Variants in VPS51 observed in about 807,000 individuals in gnomAD.
The protein encoded by VPS51 is vacuolar protein sorting-associated protein 51 homolog.
Under a neutral mutation model 65.1 loss-of-function variants are expected in VPS51, and 55 were observed. That is an observed-to-expected ratio of 0.84 (90% CI 0.68 to 1.06). The LOEUF is 1.06. VPS51 is among the 50% of genes least tolerant of loss of function. The pLI is 0.00. For synonymous variants in VPS51, 473 were observed against 489.5 expected, an observed-to-expected ratio of 0.97 and a Z score of 0.44; for missense variants, 943 against 1,101.6, an observed-to-expected ratio of 0.86 and a Z score of 2.04.
chr11:65,098,111 G>A (rs529495143), intron 2 of VPS51, among the ~76,000 whole-genome samples: 3 of 152,270 alleles, frequency 2.0e-5, no homozygotes, highest in Admixed American at 6.5e-5. Flanking sequence ...AACCTGGGAG[G>A]TGGAGGCTGC....
At position 65,097,006 on chromosome 11, in the gene VPS51, A is replaced by G; in HGVS notation, c.237A>G (p.Arg79=). ...CCACCCAACTTCTTCAGCTGCGTAG[A>G]GAGTGCCCTCTGGCCCAGTTGATGG... ...DPEVYLDKLR[R]ECPLAQLMDS... Residue 79 remains arginine, a synonymous_variant, in exon 2 of 10, where the codon AGA becomes AGG. Transcript: ENST00000279281. 6.2e-7 allele frequency: 1 copy of G among 1,613,658 alleles called. No individual in the cohort carries two copies. Among genetic ancestry groups the G allele is most frequent in the Non-Finnish European group, 8.5e-7 (1 of 1,180,020 alleles).
chr11:65,096,505 TGCGGGGA>T, intron 1 of VPS51, 27 bp downstream of exon 1: 248 of 371,614 alleles, frequency 6.7e-4, no homozygotes, highest in Non-Finnish European at 1.0e-3. Flanking sequence ...AGTGGGGGGG[TGCGGGGA>T]GGGGGGAAGG....
rs1226829981 is a variant in VPS51, at chr11:65,107,055, G to A, written c.359-526G>A. 1.2e-5 allele frequency: 5 copies of A among 413,206 alleles called. No individual in the cohort carries two copies. The highest frequency in any genetic ancestry group is 2.4e-5 in the Non-Finnish European group (5 of 204,808). 25.6% of individuals were successfully genotyped at this position (413,206 alleles called of 1,614,324 possible). A position where few individuals can be genotyped will look rare whatever the true frequency, so the allele number is the denominator to read the frequency against. On this transcript the variant is annotated intron_variant, in intron 2 of 9. Transcript: ENST00000279281. This position sits in a 1 kb window ranked among gnomAD's most constrained non-coding sequence, Gnocchi z 4.0. Reference sequence around the variant, plus strand: ...TGTGAAAGGAAAAACAGCCTCCCTAGGCAGGATTCTATCAGGACCAAAGGG... The same window carrying A: ...TGTGAAAGGAAAAACAGCCTCCCTAAGCAGGATTCTATCAGGACCAAAGGG...
intron 2 of VPS51, among the ~76,000 whole-genome samples, chr11:65,099,543 C>T (rs1314832008): frequency 1.3e-5 from 2 of 152,040 alleles, no homozygotes; most frequent in Non-Finnish European, 2.9e-5. Flanking sequence ...CCTGTAATCC[C>T]TGCACTTTGG....
chr11:65,110,739 C>A lies in VPS51; in HGVS notation c.2046C>A (p.Phe682Leu). Residue 682 changes from phenylalanine to leucine, a missense_variant, in exon 9 of 10, where the codon TTC (phenylalanine) becomes TTA (leucine). Physicochemically the swap from Phe to Leu is conservative, Grantham distance 22 (BLOSUM62 0). Transcript: ENST00000279281. ...TCTTGAGCAATATCCAGAAGCTATTCTCTGAACGTATTGATGTGTTCAGCC... is the reference window on the plus strand; with the variant it reads ...TCTTGAGCAATATCCAGAAGCTATTATCTGAACGTATTGATGTGTTCAGCC... ...TNLLSNIQKL[F>L]SERIDVFSPV... 1.2e-6 allele frequency: 2 copies of A among 1,614,200 alleles called. No individual in the cohort carries two copies. Among genetic ancestry groups the A allele is most frequent in the Non-Finnish European group, 1.7e-6 (2 of 1,180,034 alleles).
chr11:65,098,138 G>C (rs908626170), intron 2 of VPS51, among the ~76,000 whole-genome samples: 2 of 152,116 alleles, frequency 1.3e-5, no homozygotes, highest in South Asian at 2.1e-4. Context: ...CCAAGATCAC[G>C]TCACTGCACT....
chr11:65,111,325 A>T lies in VPS51; in HGVS notation c.2089-2A>T. 1 of 1,602,270 alleles carries T rather than the reference A, an allele frequency of 6.2e-7. No individual in the cohort carries two copies. Among genetic ancestry groups the T allele is most frequent in the Non-Finnish European group, 8.5e-7 (1 of 1,179,648 alleles). Reference sequence around the variant, plus strand: ...GCTGCATCCCTGTGTCCCTGCCTGCAGGTGTCGGTGCTGACCGGCATCATC... The same window carrying T: ...GCTGCATCCCTGTGTCCCTGCCTGCTGGTGTCGGTGCTGACCGGCATCATC... On this transcript the variant is annotated splice_acceptor_variant, in intron 9 of 9. Coordinates refer to ENST00000279281, the MANE Select transcript of VPS51 (RefSeq NM_013265.4). LOFTEE classifies it high-confidence loss of function.
At chr11:65,101,762 C>CAAAA (rs1165429983) in intron 2 of VPS51, among the ~76,000 whole-genome samples, 24 of 26,346 alleles carry the variant, frequency 9.1e-4, no homozygotes, top group Admixed American at 1.2e-3. Context: ...GACCTTGTCT[C>CAAAA]AAAAAAAAAA....
intron 2 of VPS51, among the ~76,000 whole-genome samples, chr11:65,098,095 C>A (rs191619084): frequency 6.6e-6 from 1 of 152,174 alleles, no homozygotes; most frequent in African/African-American, 2.4e-5. Flanking sequence ...GTGGGAGAAT[C>A]ACTTGAACCT....
intron 2 of VPS51, among the ~76,000 whole-genome samples, chr11:65,105,205 C>A (rs1407860730): frequency 6.6e-6 from 1 of 151,992 alleles, no homozygotes; most frequent in African/African-American, 2.4e-5. Context: ...CCAGTCTGGC[C>A]AACATGGTGA....
At chr11:65,110,365 T>A in intron 7 of VPS51, 117 bp from the exon 8 acceptor site, 4 of 1,553,540 alleles carry the variant, frequency 2.6e-6, no homozygotes, top group Non-Finnish European at 3.5e-6. Context: ...GGCCCCGCGG[T>A]GATTACCCTG....
In VPS51 at chr11:65,107,508, G is replaced by A. The variant is rs1947850108; in HGVS notation, c.359-73G>A. ...AGCTGGGGCGTCTGTGAAGGGGTGGGTGAGAAGGAGCTGAGGTTGCGCCCG... is the reference window on the plus strand; with the variant it reads ...AGCTGGGGCGTCTGTGAAGGGGTGGATGAGAAGGAGCTGAGGTTGCGCCCG... On this transcript the variant is annotated intron_variant, in intron 2 of 9. Coordinates refer to ENST00000279281, the MANE Select transcript of VPS51 (RefSeq NM_013265.4). This position sits in a 1 kb window ranked among gnomAD's most constrained non-coding sequence, Gnocchi z 4.0. The A allele has an allele frequency of 2.0e-6, 3 of 1,522,608 alleles. No homozygotes were observed. The highest frequency in any genetic ancestry group is 1.8e-6 in the Non-Finnish European group (2 of 1,129,796). 94.3% of individuals were successfully genotyped at this position (1,522,608 alleles called of 1,614,324 possible).
intron 2 of VPS51, among the ~76,000 whole-genome samples, chr11:65,104,798 T>G (rs1189216254): frequency 6.6e-6 from 1 of 152,176 alleles, no homozygotes; most frequent in Admixed American, 6.5e-5. Context: ...GCTGGGGCAG[T>G]GTTTACACAG....
Position 65,107,556 on chromosome 11 carries a change from C to T in VPS51, c.359-25C>T, listed in dbSNP as rs1376645558. On this transcript the variant is annotated intron_variant, in intron 2 of 9. Coordinates refer to ENST00000279281, the MANE Select transcript of VPS51 (RefSeq NM_013265.4). The surrounding 1 kb of genome is among the most constrained non-coding windows in gnomAD (Gnocchi z 4.0). The stretch of plus-strand genomic sequence containing the variant: ...CCGCCCTGCAGTCACCTGCTCTCCC[C>T]TTTTCCCCGCCCCTGCCCTCCTAGA... The T allele has an allele frequency of 6.4e-7, 1 of 1,561,250 alleles. No homozygotes were observed. Among genetic ancestry groups the T allele is most frequent in the South Asian group, 1.2e-5 (1 of 83,930 alleles).
At chr11:65,102,017 C>CTTTTT (rs990847395) in intron 2 of VPS51, among the ~76,000 whole-genome samples, 5 of 121,904 alleles carry the variant, frequency 4.1e-5, no homozygotes, top group East Asian at 4.6e-4. Flanking sequence ...TCTTAACAAG[C>CTTTTT]TTTTTTTTTT....
chr11:65,106,793 C>T (rs1947845007), intron 2 of VPS51, among the ~76,000 whole-genome samples: 1 of 149,862 alleles, frequency 6.7e-6, no homozygotes, highest in South Asian at 2.1e-4. Flanking sequence ...TTGAGGCCGT[C>T]AGTGAACAGT....
In VPS51 at chr11:65,111,859, G is replaced by T. The variant is rs528349425; in HGVS notation, c.*272G>T. ...CGGTTCCACTTAAAAACCCTGGGAC[G>T]AGAGCGGTCCTTGTCTGCGTTCCGT... On this transcript the variant is annotated 3_prime_UTR_variant, in exon 10 of 10. Transcript: ENST00000279281. 2.8e-5 allele frequency: 28 copies of T among 1,000,042 alleles called. No individual in the cohort carries two copies. Among genetic ancestry groups the T allele is most frequent in the African/African-American group, 1.1e-4 (7 of 61,862 alleles). 61.9% of individuals were successfully genotyped at this position (1,000,042 alleles called of 1,614,324 possible).
intron 2 of VPS51, among the ~76,000 whole-genome samples, chr11:65,101,906 GC>G (rs1590810651): frequency 6.7e-6 from 1 of 150,294 alleles, no homozygotes; most frequent in Middle Eastern, 3.5e-3. Flanking sequence ...AACCAGCAAA[GC>G]CCCCTGAGCC....
At chr11:65,096,830 T>C in intron 1 of VPS51, 168 bp from the exon 2 acceptor site, 1 of 1,024,522 alleles carries the variant, frequency 9.8e-7, no homozygotes, top group Non-Finnish European at 1.4e-6. Context: ...TAGTAACCCC[T>C]GAGCTAGGCC....
Sources: allele counts gnomAD v4.1 joint callset (sites outside exome capture counted in the v4.1 genomes callset), GRCh38; gene constraint gnomAD v4.1.1; non-coding constraint Gnocchi (gnomAD v3.1); transcripts MANE v1.5; gene names NCBI Gene and HGNC (gene_info 2026-07-23, HGNC 2026-07-21).